TRAPPC9: variants seen among roughly 807,000 people sequenced by gnomAD.
TRAPPC9 encodes the protein IKK2 binding protein.
A neutral mutation model predicts 124.0 loss-of-function variants in TRAPPC9; 83 were observed. The ratio of observed to expected loss-of-function variants is 0.67; its 90% CI spans 0.56 to 0.80. The LOEUF is 0.80. Among genes scored for constraint, TRAPPC9 ranks in the 30% least tolerant of loss-of-function variants. The pLI is 0.00. For synonymous variants in TRAPPC9, 638 were observed against 617.5 expected (o/e 1.03, Z -0.49); for missense variants, 1,302 against 1,508.3 (o/e 0.86, Z 2.27).
At chr8:139,997,768 GGGGAGACAGTGCATCCTACACA>G (rs1838121109) in intron 18 of TRAPPC9, among the ~76,000 whole-genome samples, 52 of 133,044 alleles carry the variant, frequency 3.9e-4, no homozygotes, top group African/African-American at 1.3e-3. Context: ...ATCCTACACA[GGGGAGACAGTGCATCCTACACA>G]GGGAGACAAT....
chr8:139,754,843 G>C (rs1322590954), intron 21 of TRAPPC9, among the ~76,000 whole-genome samples: 1 of 152,232 alleles, frequency 6.6e-6, no homozygotes, highest in Non-Finnish European at 1.5e-5. Flanking sequence ...CAGAGACTTA[G>C]CCTTGGCCCC....
intron 21 of TRAPPC9, among the ~76,000 whole-genome samples, chr8:139,737,551 C>T (rs1320972790): frequency 7.0e-6 from 1 of 143,556 alleles, no homozygotes; most frequent in Admixed American, 7.5e-5. Flanking sequence ...GGGCTGGCCC[C>T]CGTCGGGCTT....
intron 18 of TRAPPC9, among the ~76,000 whole-genome samples, chr8:140,001,295 G>A (rs1255540312): frequency 6.6e-6 from 1 of 152,010 alleles, no homozygotes. Context: ...TGTAAATGAC[G>A]AGTTGATGGG....
chr8:140,322,725 A>G (rs1219946785), intron 9 of TRAPPC9, among the ~76,000 whole-genome samples: 3 of 152,014 alleles, frequency 2.0e-5, no homozygotes, highest in African/African-American at 7.2e-5. Context: ...ATTCCCAACT[A>G]TGCAGGAGGC....
intron 21 of TRAPPC9, among the ~76,000 whole-genome samples, chr8:139,813,421 C>T (rs183552773): frequency 7.9e-5 from 12 of 152,334 alleles, no homozygotes; most frequent in African/African-American, 1.2e-4. Context: ...CATCATGCTC[C>T]GGAGAGAAGG....
rs1833866475 is a variant in TRAPPC9, at chr8:139,940,831, GA to G, written c.2811-30532del. Among the ~76,000 whole-genome samples the G allele has an allele frequency of 3.9e-5, 6 of 152,376 alleles. No homozygotes were observed. The South Asian group carries it at 1.2e-3, about 32-fold the overall frequency. ...GGTGGCTGGAACCCTAGGGAGGGAT[GA>G]ATTCACTCTTCCACACAGAGGGAGG... On this transcript the variant is annotated intron_variant, in intron 19 of 22. Coordinates refer to ENST00000438773, the MANE Select transcript of TRAPPC9 (RefSeq NM_001160372.4).
At chr8:139,970,486 G>A (rs559148778) in intron 19 of TRAPPC9, among the ~76,000 whole-genome samples, 13 of 152,284 alleles carry the variant, frequency 8.5e-5, no homozygotes, top group Non-Finnish European at 1.2e-4. Flanking sequence ...GGGAGAAGCG[G>A]GAGCCAGTAG....
rs1002536450 is a variant in TRAPPC9, at chr8:140,104,844, T to C, written c.2557-80765A>G. On this transcript the variant is annotated intron_variant, in intron 17 of 22. Coordinates refer to ENST00000438773, the MANE Select transcript of TRAPPC9 (RefSeq NM_001160372.4). The surrounding 1 kb of genome is among the most constrained non-coding windows in gnomAD (Gnocchi z 4.0). Reference sequence around the variant, plus strand: ...TGCCTCGAACTGAAGCCTTACTTCCTCTTTCTAACCCTTTTAGAAACAGTG... The same window carrying C: ...TGCCTCGAACTGAAGCCTTACTTCCCCTTTCTAACCCTTTTAGAAACAGTG... Among the ~76,000 whole-genome samples the C allele has an allele frequency of 6.6e-6, 1 of 152,218 alleles. No homozygotes were observed. The highest frequency in any genetic ancestry group is 2.4e-5 in the African/African-American group (1 of 41,466).
intron 17 of TRAPPC9, chr8:140,095,321 G>T (rs1327982807): frequency 2.0e-5 from 3 of 152,246 alleles, no homozygotes; most frequent in African/African-American, 7.2e-5. Flanking sequence ...CTCTGGGCTG[G>T]GACAGAGAAT....
At chr8:139,810,368 G>A (rs1824355494) in intron 21 of TRAPPC9, among the ~76,000 whole-genome samples, 1 of 152,174 alleles carries the variant, frequency 6.6e-6, no homozygotes, top group African/African-American at 2.4e-5. Context: ...GCAGCTGAAC[G>A]ACCATGACGG....
intron 17 of TRAPPC9, among the ~76,000 whole-genome samples, chr8:140,068,687 T>C (rs1276366843): frequency 6.6e-6 from 1 of 152,216 alleles, no homozygotes; most frequent in Non-Finnish European, 1.5e-5. Flanking sequence ...CATTTGTATT[T>C]TGCAGGCCAC....
At chr8:139,988,632 A>G in intron 19 of TRAPPC9, 94 bp downstream of exon 19, 1 of 819,016 alleles carries the variant, frequency 1.2e-6, no homozygotes, top group Non-Finnish European at 2.0e-6. Context: ...CCATCCTCTG[A>G]GGACTTGGGG....
At chr8:140,143,338 T>C (rs1347871077) in intron 17 of TRAPPC9, among the ~76,000 whole-genome samples, 1 of 152,184 alleles carries the variant, frequency 6.6e-6, no homozygotes, top group Non-Finnish European at 1.5e-5. Flanking sequence ...CCTGACTCCC[T>C]TTCACTGATC....
At chr8:140,313,035 C>G (rs1229615720) in intron 9 of TRAPPC9, among the ~76,000 whole-genome samples, 1 of 152,196 alleles carries the variant, frequency 6.6e-6, no homozygotes, top group Admixed American at 6.5e-5. Context: ...ACTGGGATTA[C>G]AGGCATGAGC....
intron 17 of TRAPPC9, chr8:140,098,337 T>G (rs750571318): frequency 1.4e-5 from 2 of 147,198 alleles, no homozygotes; most frequent in Non-Finnish European, 3.0e-5. Context: ...GTGCGCGGCT[T>G]CAGCAGCGGC....
chr8:140,264,219 T>G (rs998266063), intron 15 of TRAPPC9, among the ~76,000 whole-genome samples: 1 of 152,190 alleles, frequency 6.6e-6, no homozygotes, highest in Admixed American at 6.5e-5. Context: ...CCTCGGGTCC[T>G]GAGAATTGCA....
At chr8:139,757,160 G>T (rs1334249901) in intron 21 of TRAPPC9, among the ~76,000 whole-genome samples, 4 of 132,884 alleles carry the variant, frequency 3.0e-5, no homozygotes, top group African/African-American at 1.2e-4. Context: ...CAGGTCGCAG[G>T]AGGAGCCAGG....
chr8:139,879,393 C>T (rs960512822), intron 21 of TRAPPC9, among the ~76,000 whole-genome samples: 9 of 152,276 alleles, frequency 5.9e-5, no homozygotes, highest in Middle Eastern at 3.4e-3. Flanking sequence ...AGGTGCAGGA[C>T]GTGGTCATAG....
chr8:139,999,725 C>G (rs1348187922), intron 18 of TRAPPC9, among the ~76,000 whole-genome samples: 1 of 152,056 alleles, frequency 6.6e-6, no homozygotes, highest in Non-Finnish European at 1.5e-5. Context: ...TCTTCTCTGA[C>G]CAAAACAGAA....
Sources: gnomAD v4.1 joint callset for allele counts (sites outside exome capture counted in the v4.1 genomes callset) on GRCh38, gnomAD v4.1.1 for gene constraint, Gnocchi (gnomAD v3.1) non-coding constraint, MANE v1.5 for transcripts, NCBI Gene and HGNC (gene_info 2026-07-23, HGNC 2026-07-21) for gene names.